RIMS2: variants seen among roughly 807,000 people sequenced by gnomAD.
RIMS2 encodes the protein regulating synaptic membrane exocytosis protein 2.
RIMS2 carries 59 observed loss-of-function variants against 174.4 expected under a neutral mutation model. The observed-to-expected ratio is 0.34, with a 90% CI of 0.27 to 0.42. RIMS2 has a LOEUF of 0.42. Among genes scored for constraint, RIMS2 ranks in the 10% least tolerant of loss-of-function variants. The probability of loss-of-function intolerance (pLI) is 1.00; values close to 1 mark genes in which losing one functional copy is unlikely to be tolerated. For missense variants in RIMS2, 1,620 were observed against 1,666.3 expected, an observed-to-expected ratio of 0.97 and a Z score of 0.48; for synonymous variants, 606 against 572.5, an observed-to-expected ratio of 1.06 and a Z score of -0.84.
At chr8:104,241,611 C>T (rs981901430) in intron 19 of RIMS2, among the ~76,000 whole-genome samples, 3 of 152,128 alleles carry the variant, frequency 2.0e-5, no homozygotes. Flanking sequence ...CCTCATTCCA[C>T]ATGCTCAAAT....
chr8:104,217,842 A>G (rs908867311), intron 19 of RIMS2, among the ~76,000 whole-genome samples: 1 of 152,242 alleles, frequency 6.6e-6, no homozygotes, highest in Admixed American at 6.5e-5. Context: ...TCAGTTTAAA[A>G]ATATCAACTT....
chr8:103,590,594 G>A (rs552796777), intron 1 of RIMS2, among the ~76,000 whole-genome samples: 1 of 106,222 alleles, frequency 9.4e-6, no homozygotes, highest in African/African-American at 3.6e-5. Context: ...CCATCTAGAT[G>A]TTACAATTAA....
chr8:104,038,461 G>A (rs950906919), intron 19 of RIMS2, among the ~76,000 whole-genome samples: 1 of 151,842 alleles, frequency 6.6e-6, no homozygotes, highest in African/African-American at 2.4e-5. Flanking sequence ...GGGTTTGTTA[G>A]TTATAGAAGA....
chr8:103,618,205 G>A, intron 1 of RIMS2, among the ~76,000 whole-genome samples: 1 of 152,024 alleles, frequency 6.6e-6, no homozygotes, highest in East Asian at 1.9e-4. Flanking sequence ...TGGAGCTGGA[G>A]GCTAAGTAAC....
intron 19 of RIMS2, among the ~76,000 whole-genome samples, chr8:104,104,880 A>G (rs1468297635): frequency 7.4e-6 from 1 of 135,902 alleles, no homozygotes; most frequent in Non-Finnish European, 1.6e-5. Flanking sequence ...ACCCTGTCTC[A>G]AGAAAAAAAA....
chr8:103,810,344 AAG>A (rs2098678686), intron 3 of RIMS2, among the ~76,000 whole-genome samples: 1 of 152,156 alleles, frequency 6.6e-6, no homozygotes, highest in Admixed American at 6.5e-5. Context: ...TAGGCAGTGG[AAG>A]AGAGTCAGCC....
intron 19 of RIMS2, among the ~76,000 whole-genome samples, chr8:104,214,046 A>G (rs1342130301): frequency 6.6e-6 from 1 of 152,130 alleles, no homozygotes; most frequent in Non-Finnish European, 1.5e-5. Flanking sequence ...AAGTATGGGA[A>G]AGGAGATTGG....
chr8:103,550,731 G>T (rs987563561), intron 1 of RIMS2, among the ~76,000 whole-genome samples: 2 of 152,042 alleles, frequency 1.3e-5, no homozygotes, highest in African/African-American at 4.8e-5. Context: ...AAGAAGAAAA[G>T]AGAGAAGTAT....
chr8:103,588,742 A>G (rs899596714), intron 1 of RIMS2, among the ~76,000 whole-genome samples: 3 of 151,924 alleles, frequency 2.0e-5, no homozygotes, highest in Non-Finnish European at 4.4e-5. Flanking sequence ...GTGTCTCACC[A>G]TATACAAAAA....
chr8:103,818,313 A>G (rs1227895156), intron 3 of RIMS2, among the ~76,000 whole-genome samples: 2 of 152,188 alleles, frequency 1.3e-5, no homozygotes, highest in African/African-American at 2.4e-5. Context: ...TTAAAAGTCA[A>G]TGAAAATACT....
chr8:103,709,227 T>A (rs2137855722), intron 2 of RIMS2, among the ~76,000 whole-genome samples: 1 of 152,296 alleles, frequency 6.6e-6, no homozygotes, highest in South Asian at 2.1e-4. Flanking sequence ...TGTGTAACTT[T>A]AAAAACATGT....
At chr8:103,806,840 G>A (rs1455901152) in intron 3 of RIMS2, among the ~76,000 whole-genome samples, 1 of 152,086 alleles carries the variant, frequency 6.6e-6, no homozygotes, top group African/African-American at 2.4e-5. Context: ...GTGGTGGAGT[G>A]TGAAAGCAAA....
At chr8:103,772,700 C>G (rs6991576) in intron 3 of RIMS2, among the ~76,000 whole-genome samples, 23,921 of 152,026 alleles carry the variant, frequency 0.16, 1,986 homozygotes, top group Middle Eastern at 0.24. Context: ...TACCTGATTT[C>G]AACACATTAT....
chr8:103,886,251 G>C, intron 4 of RIMS2, 28 bp downstream of exon 7: 1 of 1,565,232 alleles, frequency 6.4e-7, no homozygotes, highest in Non-Finnish European at 8.6e-7. Context: ...ACATTTTGCT[G>C]TAATTGATTA....
At chr8:103,831,053 C>G (rs138365503) in intron 3 of RIMS2, among the ~76,000 whole-genome samples, 18,889 of 152,216 alleles carry the variant, frequency 0.12, 1,272 homozygotes, top group Middle Eastern at 0.22. Flanking sequence ...AAGTGATCTT[C>G]CTGCCTTGGC....
intron 14 of RIMS2, among the ~76,000 whole-genome samples, chr8:103,945,317 T>G (rs2083456513): frequency 6.6e-6 from 1 of 152,042 alleles, no homozygotes; most frequent in South Asian, 2.1e-4. Flanking sequence ...TGAAAAAATC[T>G]TCCCACAAAG....
At chr8:103,678,376 A>G (rs2096840626) in intron 1 of RIMS2, among the ~76,000 whole-genome samples, 1 of 152,200 alleles carries the variant, frequency 6.6e-6, no homozygotes, top group Non-Finnish European at 1.5e-5. Context: ...GACTTTTCTA[A>G]TTAGAGAGGT....
chr8:104,218,023 G>A (rs2099138625), intron 19 of RIMS2, among the ~76,000 whole-genome samples: 1 of 152,178 alleles, frequency 6.6e-6, no homozygotes, highest in African/African-American at 2.4e-5. Context: ...GAGGAATTAA[G>A]TCACAGTCAC....
At chr8:103,778,464 A>G (rs1002570236) in intron 3 of RIMS2, among the ~76,000 whole-genome samples, 1 of 152,004 alleles carries the variant, frequency 6.6e-6, no homozygotes, top group Admixed American at 6.5e-5. Context: ...AGAGATCTTC[A>G]TGAGATCCAC....
Sources: gnomAD v4.1 joint callset for allele counts (sites outside exome capture counted in the v4.1 genomes callset) on GRCh38, gnomAD v4.1.1 for gene constraint, MANE v1.5 for transcripts, NCBI Gene and HGNC (gene_info 2026-07-23, HGNC 2026-07-21) for gene names.